The following SAMD5 variants were observed in gnomAD, a reference collection of about 807,000 sequenced individuals.
SAMD5 encodes sterile alpha motif domain-containing protein 5.
A neutral mutation model predicts 11.3 loss-of-function variants in SAMD5; 13 were observed. The observed-to-expected ratio is 1.15, with a 90% CI of 0.75 to 1.83. The LOEUF (loss-of-function observed/expected upper bound fraction) is 1.83, where lower values mean the gene tolerates loss of function less well. Among genes scored for constraint, SAMD5 ranks in the 40% most tolerant of loss-of-function variants. SAMD5 has a pLI of 0.00. For missense variants in SAMD5, 255 were observed against 239.1 expected (o/e 1.07, Z -0.44); for synonymous variants, 129 against 111.3 (o/e 1.16, Z -1.00).
chr6:147,844,401 A>T, the SAMD5 span, among the ~76,000 whole-genome samples: 3 of 152,186 alleles, frequency 2.0e-5, no homozygotes, highest in Non-Finnish European at 2.9e-5. Flanking sequence ...TGGCATTGTA[A>T]ATTAGTATAG....
intron 1 of SAMD5, among the ~76,000 whole-genome samples, chr6:147,638,883 C>A (rs1408650176): frequency 6.6e-6 from 1 of 152,142 alleles, no homozygotes; most frequent in African/African-American, 2.4e-5. Flanking sequence ...CAATACATTT[C>A]TTTACTAGAT....
intron 1 of SAMD5, among the ~76,000 whole-genome samples, chr6:147,593,705 C>T (rs1789489174): frequency 6.6e-6 from 1 of 152,178 alleles, no homozygotes; most frequent in Admixed American, 6.5e-5. Context: ...TTAGACTCTG[C>T]TGTGCTCGCT....
In SAMD5 at chr6:147,640,497, CAAAAAA is replaced by C. The variant is rs1172694444; in HGVS notation, c.163-96800_163-96795del. On this transcript the variant is annotated intron_variant, in intron 1 of 1. Transcript: ENST00000566741. Reference sequence around the variant, plus strand: ...GGGTGACAAGAGCAAGACTCTGTCGCAAAAAAAAAAAAAAAAAAAAAAAAAGAATAA... The same window carrying C: ...GGGTGACAAGAGCAAGACTCTGTCGCAAAAAAAAAAAAAAAAAAAGAATAA... Among the ~76,000 whole-genome samples the C allele has an allele frequency of 2.5e-4, 6 of 24,186 alleles. No individual in the cohort carries two copies. The East Asian group carries it at 7.5e-3, about 30-fold the overall frequency. 15.9% of individuals were successfully genotyped at this position (24,186 alleles called of 152,430 possible). A position where few individuals can be genotyped will look rare whatever the true frequency, so the allele number is the denominator to read the frequency against.
chr6:147,570,057 T>G (rs1289715215), downstream of SAMD5: 2 of 968,750 alleles, frequency 2.1e-6, no homozygotes, highest in African/African-American at 3.5e-5. Flanking sequence ...CTTCCACATC[T>G]TGATGAATGT....
At position 147,670,451 on chromosome 6, in the gene SAMD5, G is replaced by A. The variant is rs1290120253; in HGVS notation, c.163-66866G>A. On this transcript the variant is annotated intron_variant, in intron 1 of 1. Transcript: ENST00000566741. ...TGACTTCTCCTTTAAAGCTATGAAA[G>A]TCTTAGATGGCAACTTCTTCCAATA... 3.9e-5 allele frequency among the ~76,000 whole-genome samples: 6 copies of A among 152,204 alleles called. No homozygotes were observed. The East Asian group carries it at 1.2e-3, about 29-fold the overall frequency.
chr6:147,723,063 C>T (rs1160224364), intron 1 of SAMD5, among the ~76,000 whole-genome samples: 1 of 152,180 alleles, frequency 6.6e-6, no homozygotes, highest in Non-Finnish European at 1.5e-5. Context: ...TACCCTTCTT[C>T]CAGCAATAGA....
At chr6:147,613,208 T>C (rs977033708) in intron 1 of SAMD5, among the ~76,000 whole-genome samples, 4 of 150,594 alleles carry the variant, frequency 2.7e-5, no homozygotes, top group African/African-American at 1.0e-4. Context: ...GCATTTGTCC[T>C]ATCATCTGCT....
At chr6:147,951,602 A>G in the SAMD5 span, among the ~76,000 whole-genome samples, 1 of 152,076 alleles carries the variant, frequency 6.6e-6, no homozygotes, top group Non-Finnish European at 1.5e-5. Context: ...CTTCAAGGAG[A>G]TTGGTGTGGG....
intron 1 of SAMD5, among the ~76,000 whole-genome samples, chr6:147,544,108 G>T (rs1788649543): frequency 6.6e-6 from 1 of 152,136 alleles, no homozygotes; most frequent in Admixed American, 6.5e-5. Flanking sequence ...AACCCCCATT[G>T]TGGACAACAG....
At chr6:147,816,315 T>A in the SAMD5 span, among the ~76,000 whole-genome samples, 534 of 124,436 alleles carry the variant, frequency 4.3e-3, 4 homozygotes, top group Non-Finnish European at 6.4e-3. Flanking sequence ...TATATATATA[T>A]ATATATATAT....
the SAMD5 span, among the ~76,000 whole-genome samples, chr6:147,850,609 A>G: frequency 6.6e-6 from 1 of 152,148 alleles, no homozygotes; most frequent in Non-Finnish European, 1.5e-5. Flanking sequence ...ATAGTCCCCT[A>G]TTATCCTTGG....
chr6:147,903,235 G>A, the SAMD5 span, among the ~76,000 whole-genome samples: 87,482 of 152,020 alleles, frequency 0.58, 25,480 homozygotes, highest in South Asian at 0.7. Context: ...TGTAAAATGC[G>A]TTACAAGTTA....
rs1335566066 is a variant in SAMD5, at chr6:147,564,830, G to A, written c.*374G>A. The A allele has an allele frequency of 1.0e-6, 1 of 969,616 alleles. No individual in the cohort carries two copies. Among genetic ancestry groups the A allele is most frequent in the East Asian group, 1.1e-4 (1 of 8,878 alleles). The allele number at this position is 969,616 out of a possible 1,614,324, so 60.1% of individuals were successfully genotyped here. A position where few individuals can be genotyped will look rare whatever the true frequency, so the allele number is the denominator to read the frequency against. On this transcript the variant is annotated 3_prime_UTR_variant, in exon 2 of 2. Transcript: ENST00000367474. Reference sequence around the variant, plus strand: ...TTAAGTACAATATAACAAAAAGGTAGATTTCTGACAGTAAGTAGTAATTAT... The same window carrying A: ...TTAAGTACAATATAACAAAAAGGTAAATTTCTGACAGTAAGTAGTAATTAT...
At chr6:147,740,301 TC>T (rs1791861859), downstream of SAMD5, among the ~76,000 whole-genome samples, 2 of 152,084 alleles carry the variant, frequency 1.3e-5, no homozygotes, top group Non-Finnish European at 2.9e-5. Flanking sequence ...TGCTCAAATA[TC>T]TGGGGGTGAG....
chr6:147,894,096 GT>G, the SAMD5 span, among the ~76,000 whole-genome samples: 79,576 of 144,736 alleles, frequency 0.55, 23,082 homozygotes, highest in African/African-American at 0.76. Flanking sequence ...AATGCCACTG[GT>G]TTTTTTTTTG....
At chr6:147,787,524 C>G in the SAMD5 span, among the ~76,000 whole-genome samples, 1 of 152,248 alleles carries the variant, frequency 6.6e-6, no homozygotes, top group South Asian at 2.1e-4. Context: ...AATCCACTTG[C>G]ATTTCACATG....
chr6:147,844,646 T>C, the SAMD5 span, among the ~76,000 whole-genome samples: 12 of 148,562 alleles, frequency 8.1e-5, no homozygotes, highest in Non-Finnish European at 1.8e-4. Context: ...CACAATGGAA[T>C]ACTATTCAGC....
chr6:147,739,757 T>G (rs1791852673), downstream of SAMD5, among the ~76,000 whole-genome samples: 1 of 152,186 alleles, frequency 6.6e-6, no homozygotes, highest in African/African-American at 2.4e-5. Context: ...GTTATTCACA[T>G]TAATTAGATA....
chr6:147,570,154 G>A (rs844592), downstream of SAMD5: 8 of 390,304 alleles, frequency 2.0e-5, no homozygotes, highest in South Asian at 3.2e-4. Context: ...GAGTTCTAAC[G>A]GGAAAGAAAG....
Sources: allele counts gnomAD v4.1 joint callset (sites outside exome capture counted in the v4.1 genomes callset), GRCh38; gene constraint gnomAD v4.1.1; transcripts MANE v1.5; gene names NCBI Gene and HGNC (gene_info 2026-07-23, HGNC 2026-07-21).